NYAP2: variants seen among roughly 807,000 people sequenced by gnomAD.
The protein encoded by NYAP2 is neuronal tyrosine-phosphorylated phosphoinositide-3-kinase adapter 2.
NYAP2 carries 23 observed loss-of-function variants against 50.4 expected under a neutral mutation model. That is an observed-to-expected ratio of 0.46 (90% CI 0.33 to 0.65). NYAP2 has a LOEUF of 0.65. Ranked by LOEUF, NYAP2 falls within the 30% of genes least tolerant of loss-of-function variation. The pLI is 0.02. For missense variants in NYAP2, 885 were observed against 861.0 expected (o/e 1.03, Z -0.35); for synonymous variants, 394 against 365.2 (o/e 1.08, Z -0.90).
At chr2:225,447,222 T>C (rs1188645160) in intron 3 of NYAP2, among the ~76,000 whole-genome samples, 2 of 152,198 alleles carry the variant, frequency 1.3e-5, no homozygotes, top group African/African-American at 2.4e-5. Flanking sequence ...GGATACTTCC[T>C]AGTGGAGCTG....
intron 5 of NYAP2, among the ~76,000 whole-genome samples, chr2:225,601,946 T>C (rs1020472800): frequency 1.3e-5 from 2 of 152,226 alleles, no homozygotes; most frequent in Non-Finnish European, 2.9e-5. Context: ...AAGAAGTTAT[T>C]GTCAAATCCA....
chr2:225,480,476 G>T (rs1028466374), intron 3 of NYAP2, among the ~76,000 whole-genome samples: 1 of 152,024 alleles, frequency 6.6e-6, no homozygotes, highest in Non-Finnish European at 1.5e-5. Context: ...AGCACTTGAA[G>T]GAATGTAGAT....
chr2:225,688,302 T>C, the NYAP2 span, among the ~76,000 whole-genome samples: 4 of 152,312 alleles, frequency 2.6e-5, no homozygotes, highest in South Asian at 4.1e-4. Flanking sequence ...TTGGATTCAG[T>C]TGAGCCAAAG....
At chr2:225,455,478 A>G (rs907847189) in intron 3 of NYAP2, among the ~76,000 whole-genome samples, 8 of 152,208 alleles carry the variant, frequency 5.3e-5, no homozygotes, top group African/African-American at 1.9e-4. Context: ...ATACAGTCCA[A>G]TGAAGTTTTC....
At chr2:225,626,480 A>C (rs1693212036) in intron 5 of NYAP2, among the ~76,000 whole-genome samples, 1 of 152,232 alleles carries the variant, frequency 6.6e-6, no homozygotes, top group South Asian at 2.1e-4. Flanking sequence ...GTGAGTAATC[A>C]AATAATTGTC....
At chr2:225,501,559 G>A (rs1690607996) in intron 3 of NYAP2, among the ~76,000 whole-genome samples, 1 of 152,150 alleles carries the variant, frequency 6.6e-6, no homozygotes, top group Non-Finnish European at 1.5e-5. Flanking sequence ...AGCTAGAATT[G>A]TATGTTGAAT....
chr2:225,442,596 G>T (rs1559180838), intron 3 of NYAP2, among the ~76,000 whole-genome samples: 1 of 151,994 alleles, frequency 6.6e-6, no homozygotes, highest in Non-Finnish European at 1.5e-5. Context: ...TATTTTTTGA[G>T]ACAGAGTCTC....
intron 4 of NYAP2, among the ~76,000 whole-genome samples, chr2:225,558,058 G>T (rs773413985): frequency 1.3e-5 from 2 of 152,124 alleles, no homozygotes; most frequent in Non-Finnish European, 1.5e-5. Flanking sequence ...GGGATTGATT[G>T]GTTCGATCCT....
At chr2:225,600,225 T>C (rs1209078069) in intron 5 of NYAP2, among the ~76,000 whole-genome samples, 1 of 152,078 alleles carries the variant, frequency 6.6e-6, no homozygotes, top group Non-Finnish European at 1.5e-5. Flanking sequence ...GCTGAGTAAG[T>C]TCCTGAGTGG....
intron 3 of NYAP2, among the ~76,000 whole-genome samples, chr2:225,458,293 G>A (rs1689771410): frequency 6.6e-6 from 1 of 152,144 alleles, no homozygotes; most frequent in African/African-American, 2.4e-5. Flanking sequence ...TGAGGCTGAA[G>A]TGAGCCATGA....
At chr2:225,564,470 T>C (rs1163907356) in intron 4 of NYAP2, among the ~76,000 whole-genome samples, 1 of 151,828 alleles carries the variant, frequency 6.6e-6, no homozygotes, top group Non-Finnish European at 1.5e-5. Context: ...TACTCTGTCC[T>C]AGACGAAACC....
Position 225,409,077 on chromosome 2 carries a change from G to A in NYAP2, c.197G>A (p.Arg66Gln), listed in dbSNP as rs753236987. The A allele has an allele frequency of 1.4e-5, 23 of 1,604,636 alleles. 1 individual carries two copies. The highest frequency in any genetic ancestry group is 3.3e-4 in the Middle Eastern group (2 of 6,058). Residue 66 changes from arginine (R) to glutamine (Q), a missense_variant, in exon 3 of 7, where the codon CGA (arginine) becomes CAA (glutamine). By Grantham distance (43) the Arg-to-Gln change is conservative (BLOSUM62 1). Coordinates refer to ENST00000636099, the Ensembl canonical transcript of NYAP2. ...TTGAAAGAGAAGAATGAAAAACGCC[G>A]AAGACAAGAAGAAGCAATAAAGCGG...
the NYAP2 span, among the ~76,000 whole-genome samples, chr2:225,695,598 C>T: frequency 6.6e-6 from 1 of 151,516 alleles, no homozygotes; most frequent in Admixed American, 6.6e-5. Flanking sequence ...AGATTTGAAG[C>T]CTGTCCTCTG....
In NYAP2 at chr2:225,402,219, G is replaced by T. The variant is rs190074414; in HGVS notation, c.-18+1176G>T. ...TATTACAACTGCACAAGGGACAGTG[G>T]AGAAGCCTGAGGACTTGAAGCATCT... On this transcript the variant is annotated intron_variant, in intron 2 of 6. Transcript: ENST00000636099. 2.4e-3 allele frequency among the ~76,000 whole-genome samples: 364 copies of T among 152,102 alleles called. 1 individual carries two copies. Among genetic ancestry groups the T allele is most frequent in the African/African-American group, 8.2e-3 (339 of 41,544 alleles).
the NYAP2 span, among the ~76,000 whole-genome samples, chr2:225,666,358 C>A: frequency 6.6e-6 from 1 of 152,084 alleles, no homozygotes. Flanking sequence ...TATTCTGAGC[C>A]AAATATGAGT....
At chr2:225,415,150 C>T (rs61326778) in intron 3 of NYAP2, among the ~76,000 whole-genome samples, 1,720 of 152,102 alleles carry the variant, frequency 0.011, 36 homozygotes, top group African/African-American at 0.04. Flanking sequence ...GGTTATATTT[C>T]CTCTTTAAAA....
At chr2:225,551,828 T>C (rs1309304791) in intron 4 of NYAP2, among the ~76,000 whole-genome samples, 1 of 152,334 alleles carries the variant, frequency 6.6e-6, no homozygotes, top group East Asian at 1.9e-4. Flanking sequence ...TTTTCTTTTT[T>C]TGAGATGGAG....
At chr2:225,652,293 T>C in exon 7 of NYAP2, 1 of 152,164 alleles carries the variant, frequency 6.6e-6, no homozygotes, top group South Asian at 2.1e-4. Flanking sequence ...GACTTTTCTC[T>C]CTTATACCAA....
chr2:225,412,471 C>G (rs6706546), intron 3 of NYAP2, among the ~76,000 whole-genome samples: 120,202 of 151,344 alleles, frequency 0.79, 47,934 homozygotes, highest in Non-Finnish European at 0.82. Context: ...CTCAGCCCTG[C>G]TAAGAGGACA....
Sources: allele counts gnomAD v4.1 joint callset (sites outside exome capture counted in the v4.1 genomes callset), GRCh38; gene constraint gnomAD v4.1.1; transcripts MANE v1.5; gene names NCBI Gene and HGNC (gene_info 2026-07-23, HGNC 2026-07-21).